Variants in XNDC1N observed in about 807,000 individuals in gnomAD.
XNDC1N encodes the protein protein XNDC1N.
chr11:71,914,245 T>C, the XNDC1N span: 1 of 455,608 alleles, frequency 2.2e-6, no homozygotes, highest in Non-Finnish European at 4.4e-6. Flanking sequence ...TAATTTACCA[T>C]CTTGGATGCC....
chr11:71,913,665 T>TAAAAAAAAAAAA, the XNDC1N span, among the ~76,000 whole-genome samples: 17 of 105,322 alleles, frequency 1.6e-4, no homozygotes, highest in South Asian at 3.0e-4. Context: ...TCTCAAAAGA[T>TAAAAAAAAAAAA]AAAAAAAAAA....
the XNDC1N span, among the ~76,000 whole-genome samples, chr11:71,919,229 G>A: frequency 6.6e-6 from 1 of 152,094 alleles, no homozygotes; most frequent in Admixed American, 6.5e-5. Flanking sequence ...CCATTTACCA[G>A]ATGACCTCCT....
At chr11:71,879,615 T>A in the XNDC1N span, among the ~76,000 whole-genome samples, 2 of 151,916 alleles carry the variant, frequency 1.3e-5, no homozygotes. Context: ...TATATTTTTA[T>A]TGAGATAAAA....
At chr11:71,902,563 A>G in the XNDC1N span, among the ~76,000 whole-genome samples, 1 of 152,238 alleles carries the variant, frequency 6.6e-6, no homozygotes, top group East Asian at 1.9e-4. Context: ...ATTTTAAAAC[A>G]AGACCCACCG....
the XNDC1N span, among the ~76,000 whole-genome samples, chr11:71,912,044 G>A: frequency 2.6e-5 from 4 of 152,234 alleles, no homozygotes; most frequent in South Asian, 4.1e-4. Context: ...TGTACTGGCT[G>A]TGCAAGAAAC....
chr11:71,875,791 A>C, the XNDC1N span, among the ~76,000 whole-genome samples: 4 of 152,190 alleles, frequency 2.6e-5, no homozygotes, highest in Non-Finnish European at 4.4e-5. Context: ...TCTGGGAGGC[A>C]GAGGCAGGCA....
chr11:71,885,061 C>T, the XNDC1N span, among the ~76,000 whole-genome samples: 1 of 152,182 alleles, frequency 6.6e-6, no homozygotes, highest in East Asian at 1.9e-4. Flanking sequence ...TCATCTCCCG[C>T]TCTGGAGATT....
chr11:71,913,724 A>G, the XNDC1N span, among the ~76,000 whole-genome samples: 1 of 151,842 alleles, frequency 6.6e-6, no homozygotes, highest in African/African-American at 2.4e-5. Flanking sequence ...GGAGTTTCAT[A>G]GCTAGAGAAG....
chr11:71,906,765 T>C, the XNDC1N span, among the ~76,000 whole-genome samples: 2 of 152,138 alleles, frequency 1.3e-5, no homozygotes, highest in Non-Finnish European at 2.9e-5. Context: ...CGTGTGACGT[T>C]AGGAGTCACA....
At chr11:71,884,770 C>T in the XNDC1N span, 1 of 786,960 alleles carries the variant, frequency 1.3e-6, no homozygotes, top group Non-Finnish European at 2.0e-6. Context: ...TCCACAGCCA[C>T]ATTGTTGTTT....
the XNDC1N span, chr11:71,923,463 C>T: frequency 1.5e-6 from 1 of 664,232 alleles, no homozygotes; most frequent in Non-Finnish European, 2.7e-6. Flanking sequence ...AAGCAAGAAT[C>T]CTCACATTAC....
At chr11:71,904,113 C>G in the XNDC1N span, 3 of 505,978 alleles carry the variant, frequency 5.9e-6, no homozygotes, top group East Asian at 5.6e-5. Flanking sequence ...CGCACAGCAG[C>G]GCAGTCTAAT....
At chr11:71,905,927 G>A in the XNDC1N span, among the ~76,000 whole-genome samples, 4 of 151,838 alleles carry the variant, frequency 2.6e-5, no homozygotes, top group Non-Finnish European at 2.9e-5. Flanking sequence ...AAATAATACC[G>A]AAGGCTGTAC....
chr11:71,893,803 G>A, the XNDC1N span: 2 of 1,052,596 alleles, frequency 1.9e-6, no homozygotes, highest in South Asian at 2.6e-5. Flanking sequence ...ATGTATAGAA[G>A]GCATGCTCCT....
At chr11:71,872,598 G>A in the XNDC1N span, among the ~76,000 whole-genome samples, 2 of 152,104 alleles carry the variant, frequency 1.3e-5, no homozygotes, top group African/African-American at 4.8e-5. Context: ...CGTGGTGGCG[G>A]GCGCCTGTAA....
chr11:71,902,637 G>C, the XNDC1N span, among the ~76,000 whole-genome samples: 1 of 152,206 alleles, frequency 6.6e-6, no homozygotes, highest in Non-Finnish European at 1.5e-5. Flanking sequence ...GAAATCACTA[G>C]GACCTAACTG....
chr11:71,890,138 A>C, the XNDC1N span, among the ~76,000 whole-genome samples: 1 of 152,174 alleles, frequency 6.6e-6, no homozygotes, highest in African/African-American at 2.4e-5. Flanking sequence ...CAACACCACA[A>C]GGGGCATCAA....
chr11:71,873,657 G>T, the XNDC1N span, among the ~76,000 whole-genome samples: 2 of 152,094 alleles, frequency 1.3e-5, no homozygotes, highest in Non-Finnish European at 2.9e-5. Flanking sequence ...GTAGAAATGA[G>T]TTTGAAATGT....
At chr11:71,916,069 C>T in the XNDC1N span, 1 of 701,882 alleles carries the variant, frequency 1.4e-6, no homozygotes, top group Non-Finnish European at 2.6e-6. Flanking sequence ...CATCATCATA[C>T]ATACCTTGTT....
Sources: gnomAD v4.1 joint callset for allele counts (sites outside exome capture counted in the v4.1 genomes callset) on GRCh38, gnomAD v4.1.1 for gene constraint, MANE v1.5 for transcripts, NCBI Gene and HGNC (gene_info 2026-07-23, HGNC 2026-07-21) for gene names.